The following RNF149 variants were observed in gnomAD, a reference collection of about 807,000 sequenced individuals.
RNF149 encodes ring finger protein 149, also known as E3 ubiquitin-protein ligase RNF149.
In RNF149, 21 loss-of-function variants were observed where a neutral mutation model predicts 39.0. The ratio of observed to expected loss-of-function variants is 0.54; its 90% confidence interval spans 0.38 to 0.77. RNF149 has a LOEUF of 0.77. Among genes scored for constraint, RNF149 ranks in the 30% least tolerant of loss-of-function variants. The probability of loss-of-function intolerance (pLI) is 0.00; values close to 1 mark genes in which losing one functional copy is unlikely to be tolerated. For synonymous variants in RNF149, 209 were observed against 213.6 expected, an observed-to-expected ratio of 0.98 and a Z score of 0.19; for missense variants, 493 against 534.9, an observed-to-expected ratio of 0.92 and a Z score of 0.77.
intron 5 of RNF149, among the ~76,000 whole-genome samples, chr2:101,285,773 T>C (rs1391380353): frequency 2.0e-5 from 3 of 152,236 alleles, no homozygotes; most frequent in Non-Finnish European, 4.4e-5. Context: ...TATTTTATGA[T>C]TCTTGTCTAT....
At chr2:101,307,698 G>T in intron 1 of RNF149, 1 of 356,368 alleles carries the variant, frequency 2.8e-6, no homozygotes. Flanking sequence ...GAGTGCCAAC[G>T]AGCCATCACT....
chr2:101,308,309 T>C lies in RNF149; in HGVS notation c.280A>G (p.Thr94Ala). 1 of 1,582,772 alleles carries C rather than the reference T, an allele frequency of 6.3e-7. No individual in the cohort carries two copies. Among genetic ancestry groups the C allele is most frequent in the South Asian group, 1.1e-5 (1 of 88,782 alleles). Residue 94 changes from threonine (T) to alanine (A), a missense_variant, in exon 1 of 7, where the codon ACG (threonine) becomes GCG (alanine). Physicochemically the swap from Thr to Ala is moderately conservative, Grantham distance 58. Coordinates refer to ENST00000295317, the MANE Select transcript of RNF149 (RefSeq NM_173647.4). ...CCGGGCTCGGGCACGAAGAAGCGCG[T>C]GTCGGGCGCGCAGCCCTCGAGGTCT... ...GGDLEGCAPD[T>A]RFFVPEPGGR...
chr2:101,286,219 T>C (rs746917191), intron 4 of RNF149, 42 bp from the exon 5 acceptor site: 1 of 1,137,228 alleles, frequency 8.8e-7, no homozygotes, highest in East Asian at 2.4e-5. Context: ...AAAATCAATG[T>C]TTATATAACT....
chr2:101,291,383 T>C (rs1683003729), intron 3 of RNF149, among the ~76,000 whole-genome samples: 2 of 149,334 alleles, frequency 1.3e-5, no homozygotes, highest in African/African-American at 5.1e-5. Context: ...ACTCCTGACC[T>C]CGTGATCCAC....
At chr2:101,272,399 T>C (rs1165913715), downstream of RNF149, among the ~76,000 whole-genome samples, 1 of 152,232 alleles carries the variant, frequency 6.6e-6, no homozygotes, top group East Asian at 1.9e-4. Flanking sequence ...CATGGCTGAT[T>C]ATGACACAGT....
intron 1 of RNF149, among the ~76,000 whole-genome samples, chr2:101,301,625 CA>C (rs761839243): frequency 1.3e-5 from 2 of 152,158 alleles, no homozygotes; most frequent in Non-Finnish European, 2.9e-5. Context: ...GTATTTTTAA[CA>C]AACCAAATTA....
intron 1 of RNF149, among the ~76,000 whole-genome samples, chr2:101,298,656 C>A (rs1009626523): frequency 5.3e-5 from 8 of 151,920 alleles, no homozygotes; most frequent in Non-Finnish European, 1.2e-4. Context: ...AACAAACAAA[C>A]AAAAAAACCC....
At chr2:101,304,461 A>C (rs542141089) in intron 1 of RNF149, among the ~76,000 whole-genome samples, 1 of 152,296 alleles carries the variant, frequency 6.6e-6, no homozygotes, top group South Asian at 2.1e-4. Context: ...ACCTGTGCAT[A>C]CTGGAATTAT....
intron 6 of RNF149, among the ~76,000 whole-genome samples, chr2:101,279,394 G>A (rs937895362): frequency 1.3e-5 from 2 of 152,214 alleles, no homozygotes; most frequent in Admixed American, 6.5e-5. Context: ...AGTTAACAAG[G>A]TAGCAAGAAT....
chr2:101,289,388 TTTTA>T (rs796518326), intron 3 of RNF149, among the ~76,000 whole-genome samples: 2 of 152,108 alleles, frequency 1.3e-5, no homozygotes, highest in Non-Finnish European at 1.5e-5. Flanking sequence ...TTTATTATTG[TTTTA>T]TTTATTTATT....
At chr2:101,273,481 T>C (rs1159277263), downstream of RNF149, 11 of 366,144 alleles carry the variant, frequency 3.0e-5, no homozygotes, top group Non-Finnish European at 4.4e-5. Context: ...TGTTTCTTTT[T>C]TTTTTTTTTT....
At chr2:101,282,455 T>G (rs1366228146) in intron 5 of RNF149, among the ~76,000 whole-genome samples, 2 of 152,028 alleles carry the variant, frequency 1.3e-5, no homozygotes, top group South Asian at 4.1e-4. Flanking sequence ...ACAAGGCTTT[T>G]GAACAGATGC....
downstream of RNF149, among the ~76,000 whole-genome samples, chr2:101,274,576 T>C (rs1190213848): frequency 6.6e-6 from 1 of 152,238 alleles, no homozygotes. Context: ...CACTTCTTGC[T>C]TTCCAGGCCC....
Position 101,308,700 on chromosome 2 carries a change from T to TCGGGGC in RNF149, c.-113_-112insGCCCCG, listed in dbSNP as rs1422095354. 2.0e-6 allele frequency: 2 copies of TCGGGGC among 1,025,634 alleles called. No individual in the cohort carries two copies. The highest frequency in any genetic ancestry group is 2.7e-6 in the Non-Finnish European group (2 of 745,838). 63.5% of individuals were successfully genotyped at this position (1,025,634 alleles called of 1,614,324 possible). On this transcript the variant is annotated 5_prime_UTR_variant, in exon 1 of 7. Transcript: ENST00000295317. ...GCCGCCCTGGAAGACTGAGGCGGGG[T>TCGGGGC]CGGGGCCGCTGCGCACGCGCACCTG...
At chr2:101,282,131 C>A in intron 5 of RNF149, 74 bp from the exon 6 acceptor site, 1 of 1,572,128 alleles carries the variant, frequency 6.4e-7, no homozygotes, top group South Asian at 1.2e-5. Context: ...TCATCTGGCT[C>A]GTAATTCACA....
chr2:101,295,507 A>G (rs1381404700), intron 1 of RNF149, among the ~76,000 whole-genome samples: 5 of 151,958 alleles, frequency 3.3e-5, no homozygotes. Flanking sequence ...TAAAAATACA[A>G]AAAATTAGCC....
chr2:101,292,646 G>C (rs2104412730), intron 3 of RNF149, among the ~76,000 whole-genome samples: 1 of 152,258 alleles, frequency 6.6e-6, no homozygotes, highest in East Asian at 1.9e-4. Flanking sequence ...GGCGCCTGTA[G>C]TTCCAGCTAC....
At chr2:101,286,308 T>G (rs926561275) in intron 4 of RNF149, 131 bp from the exon 5 acceptor site, 10 of 555,858 alleles carry the variant, frequency 1.8e-5, no homozygotes, top group Non-Finnish European at 2.9e-5. Context: ...TCTAGTCTAC[T>G]TACTTATCAT....
intron 1 of RNF149, among the ~76,000 whole-genome samples, chr2:101,300,892 C>T (rs1186214676): frequency 1.3e-5 from 2 of 152,194 alleles, no homozygotes; most frequent in South Asian, 2.1e-4. Context: ...GTGCCAGGCA[C>T]GGGCACCTTG....
Sources: allele counts gnomAD v4.1 joint callset (sites outside exome capture counted in the v4.1 genomes callset), GRCh38; gene constraint gnomAD v4.1.1; transcripts MANE v1.5; gene names NCBI Gene and HGNC (gene_info 2026-07-23, HGNC 2026-07-21).